Variants in TPH2 observed in about 807,000 individuals in gnomAD.
The protein encoded by TPH2 is tryptophan hydroxylase 2.
A neutral mutation model predicts 59.1 loss-of-function variants in TPH2; 27 were observed. The ratio of observed to expected loss-of-function variants is 0.46; its 90% CI spans 0.34 to 0.63. The LOEUF (loss-of-function observed/expected upper bound fraction) is 0.63, where lower values mean the gene tolerates loss of function less well. Among genes scored for constraint, TPH2 ranks in the 30% least tolerant of loss-of-function variants. The probability of loss-of-function intolerance (pLI) is 0.01; values close to 1 mark genes in which losing one functional copy is unlikely to be tolerated. For synonymous variants in TPH2, 220 were observed against 210.5 expected (o/e 1.05, Z -0.39); for missense variants, 523 against 588.3 (o/e 0.89, Z 1.15).
At chr12:72,009,400 A>G (rs1438593817) in intron 8 of TPH2, among the ~76,000 whole-genome samples, 1 of 152,186 alleles carries the variant, frequency 6.6e-6, no homozygotes, top group Non-Finnish European at 1.5e-5. Flanking sequence ...ATGAATTTTC[A>G]CTATCCTTTA....
At position 71,969,467 on chromosome 12, in the gene TPH2, A is replaced by G. The variant is rs573457734; in HGVS notation, c.609-3052A>G. 2.8e-3 allele frequency among the ~76,000 whole-genome samples: 430 copies of G among 152,274 alleles called. 1 individual carries two copies. The highest frequency in any genetic ancestry group is 1.0e-2 in the African/African-American group (414 of 41,540). On this transcript the variant is annotated intron_variant, in intron 5 of 10. Coordinates refer to ENST00000333850, the MANE Select transcript of TPH2 (RefSeq NM_173353.4). ...ACTATGATTTTTTTCTCAAATGTCA[A>G]ATTTCAAAGTCCTAAAAAAATGTGA...
rs1870978286 is a variant in TPH2 at position 71,939,028 on chromosome 12, A to G, written c.42A>G (p.Ala14=). 2 of 1,614,160 alleles carry G rather than the reference A, an allele frequency of 1.2e-6. No individual in the cohort carries two copies. The highest frequency in any genetic ancestry group is 1.7e-6 in the Non-Finnish European group (2 of 1,180,034). The part of the protein sequence containing the change: ...AMMMFSSKYW[A]RRGFSLDSAV... ...TGATGTTTTCCAGTAAATACTGGGC[A>G]CGGAGAGGGTTTTCCCTGGATTCAG... Residue 14 remains alanine, a synonymous_variant, in exon 1 of 11, where the codon GCA becomes GCG. Transcript: ENST00000333850.
At chr12:72,009,385 G>A (rs1873041724) in intron 8 of TPH2, among the ~76,000 whole-genome samples, 1 of 152,136 alleles carries the variant, frequency 6.6e-6, no homozygotes. Context: ...ATCCTTTATT[G>A]TCTCATGAAT....
intron 1 of TPH2, among the ~76,000 whole-genome samples, chr12:71,940,852 G>C (rs1199363503): frequency 2.0e-5 from 3 of 152,086 alleles, no homozygotes; most frequent in Admixed American, 2.0e-4. Flanking sequence ...CAGTTTCTCA[G>C]ATTTTTACTG....
rs200217774 is a variant in TPH2 at position 72,026,203 on chromosome 12, AT to A, written c.1164+3723del. 5.8e-3 allele frequency among the ~76,000 whole-genome samples: 836 copies of A among 144,906 alleles called. 3 individuals are homozygous for A. The highest frequency in any genetic ancestry group is 0.017 in the Middle Eastern group (5 of 286). On this transcript the variant is annotated intron_variant, in intron 9 of 10. Transcript: ENST00000333850. ...TTATATCTTTCAGGCCAGAGATTAG[AT>A]TTTTTTTTTTTTTAGCATCCACCCC...
At chr12:71,953,364 G>A (rs1871405560) in intron 5 of TPH2, among the ~76,000 whole-genome samples, 2 of 152,064 alleles carry the variant, frequency 1.3e-5, no homozygotes, top group African/African-American at 4.8e-5. Flanking sequence ...ATGAGTTTGA[G>A]GATGGATAAG....
intron 8 of TPH2, among the ~76,000 whole-genome samples, chr12:72,003,888 C>T (rs1872885453): frequency 6.6e-6 from 1 of 152,154 alleles, no homozygotes; most frequent in South Asian, 2.1e-4. Context: ...CTCAGAGAGC[C>T]ATCATATAAT....
At chr12:71,999,388 C>T (rs946800484) in intron 8 of TPH2, among the ~76,000 whole-genome samples, 4 of 152,226 alleles carry the variant, frequency 2.6e-5, no homozygotes, top group East Asian at 3.9e-4. Flanking sequence ...ATAATTTGCC[C>T]TCTGGTGGAT....
intron 1 of TPH2, 96 bp downstream of exon 1, chr12:71,939,187 A>G: frequency 1.1e-6 from 1 of 909,284 alleles, no homozygotes; most frequent in Admixed American, 2.0e-5. Flanking sequence ...GTAAGCACGC[A>G]CACCTCAAAT....
intron 5 of TPH2, chr12:71,962,284 G>A: frequency 1.0e-6 from 1 of 985,366 alleles, no homozygotes. Context: ...AAATCATTGT[G>A]CTCTGTAGCC....
At chr12:71,952,611 T>C (rs552291802) in intron 5 of TPH2, among the ~76,000 whole-genome samples, 1 of 152,284 alleles carries the variant, frequency 6.6e-6, no homozygotes, top group East Asian at 1.9e-4. Context: ...CAGGGAATTA[T>C]AGCCCTCTCC....
chr12:72,023,450 T>C (rs1234122442), intron 9 of TPH2, among the ~76,000 whole-genome samples: 3 of 152,166 alleles, frequency 2.0e-5, no homozygotes, highest in Non-Finnish European at 4.4e-5. Flanking sequence ...CATTCATTCA[T>C]TCATTCCTCA....
chr12:71,944,713 C>T, intron 4 of TPH2, 27 bp downstream of exon 4: 1 of 1,599,428 alleles, frequency 6.3e-7, no homozygotes, highest in Non-Finnish European at 8.6e-7. Context: ...ATCTATTTCT[C>T]ACATGCTCTT....
intron 6 of TPH2, among the ~76,000 whole-genome samples, chr12:71,976,342 A>C (rs888010464): frequency 6.6e-6 from 1 of 152,192 alleles, no homozygotes; most frequent in African/African-American, 2.4e-5. Flanking sequence ...TGTATCACGC[A>C]CTGGCATGTA....
chr12:72,025,670 C>T (rs1566173253), intron 9 of TPH2, among the ~76,000 whole-genome samples: 1 of 152,184 alleles, frequency 6.6e-6, no homozygotes, highest in Non-Finnish European at 1.5e-5. Flanking sequence ...GGTGTACTTA[C>T]AGGAATGCCA....
intron 5 of TPH2, chr12:71,962,332 A>AG: frequency 1.0e-6 from 1 of 985,436 alleles, no homozygotes; most frequent in African/African-American, 1.7e-5. Context: ...TACAATGTTC[A>AG]GCCAAGGAAA....
intron 8 of TPH2, among the ~76,000 whole-genome samples, chr12:72,002,633 CA>C (rs1165178384): frequency 1.3e-5 from 2 of 151,950 alleles, no homozygotes; most frequent in Non-Finnish European, 2.9e-5. Context: ...TTAGGAAATG[CA>C]TATTAGCATG....
intron 8 of TPH2, among the ~76,000 whole-genome samples, chr12:71,998,286 G>C (rs542878078): frequency 6.6e-6 from 1 of 151,956 alleles, no homozygotes; most frequent in Non-Finnish European, 1.5e-5. Context: ...TAGGCTGCCC[G>C]TTTACTTCGA....
intron 5 of TPH2, chr12:71,964,754 T>G: frequency 1.0e-6 from 1 of 985,340 alleles, no homozygotes; most frequent in Non-Finnish European, 1.2e-6. Context: ...TTGATAAGAG[T>G]TAATTATAAA....
Sources: gnomAD v4.1 joint callset for allele counts (sites outside exome capture counted in the v4.1 genomes callset) on GRCh38, gnomAD v4.1.1 for gene constraint, MANE v1.5 for transcripts, NCBI Gene and HGNC (gene_info 2026-07-23, HGNC 2026-07-21) for gene names.